Variants in PCDH15 observed in about 807,000 individuals in gnomAD.
PCDH15 encodes the protein protocadherin-15.
A neutral mutation model predicts 178.5 loss-of-function variants in PCDH15; 129 were observed. The ratio of observed to expected loss-of-function variants is 0.72; its 90% CI spans 0.63 to 0.84. The LOEUF (loss-of-function observed/expected upper bound fraction) is 0.84. Ranked by LOEUF, PCDH15 falls within the 40% of genes least tolerant of loss-of-function variation. The pLI is 0.00. For missense variants in PCDH15, 2,230 were observed against 2,099.9 expected (o/e 1.06, Z -1.21); for synonymous variants, 800 against 732.0 (o/e 1.09, Z -1.50).
intron 28 of PCDH15, among the ~76,000 whole-genome samples, chr10:53,855,906 A>ATATATATATG (rs1332745381): frequency 7.2e-6 from 1 of 138,038 alleles, no homozygotes; most frequent in African/African-American, 2.7e-5. Context: ...GGTGATATGT[A>ATATATATATG]TATATATATA....
intron 1 of PCDH15, among the ~76,000 whole-genome samples, chr10:55,257,509 A>T (rs1278612599): frequency 5.3e-5 from 8 of 152,024 alleles, no homozygotes; most frequent in Non-Finnish European, 1.5e-5. Flanking sequence ...TAGAATAACC[A>T]ATGCAGAGAA....
chr10:54,905,843 T>C (rs1954710322), intron 2 of PCDH15, among the ~76,000 whole-genome samples: 1 of 152,132 alleles, frequency 6.6e-6, no homozygotes, highest in Non-Finnish European at 1.5e-5. Context: ...CCTCTTAACA[T>C]TTCCTTTTCA....
chr10:54,820,016 A>G (rs1591719830), intron 3 of PCDH15, among the ~76,000 whole-genome samples: 1 of 170 alleles, frequency 5.9e-3, no homozygotes, highest in Middle Eastern at 0.5. Flanking sequence ...AGTTTCTGGA[A>G]AAAAAAAATC....
chr10:54,666,747 C>T (rs992336923), intron 1 of PCDH15, among the ~76,000 whole-genome samples: 10 of 151,882 alleles, frequency 6.6e-5, no homozygotes, highest in African/African-American at 9.6e-5. Flanking sequence ...ATTAAAGAGA[C>T]GGTAATATCT....
intron 3 of PCDH15, among the ~76,000 whole-genome samples, chr10:54,827,659 T>G (rs557397619): frequency 6.6e-6 from 1 of 152,216 alleles, no homozygotes; most frequent in Non-Finnish European, 1.5e-5. Context: ...AGAAAACAAC[T>G]GCATCTTATT....
intron 2 of PCDH15, among the ~76,000 whole-genome samples, chr10:55,129,291 C>G (rs886682751): frequency 6.6e-6 from 1 of 152,038 alleles, no homozygotes; most frequent in African/African-American, 2.4e-5. Flanking sequence ...CTAACAAACA[C>G]GAGAGGTGTA....
chr10:55,358,350 G>A (rs1176493071), intron 2 of PCDH15, among the ~76,000 whole-genome samples: 2 of 152,044 alleles, frequency 1.3e-5, no homozygotes, highest in African/African-American at 4.8e-5. Flanking sequence ...TTAATTATAT[G>A]TATAATTAAC....
chr10:55,516,599 CACAGCATCTGCA>C (rs1841018044), intron 2 of PCDH15, among the ~76,000 whole-genome samples: 1 of 152,096 alleles, frequency 6.6e-6, no homozygotes, highest in South Asian at 2.1e-4. Flanking sequence ...CTGCTAGCTT[CACAGCATCTGCA>C]AATCACACAG....
At chr10:55,512,205 G>T (rs1589097246) in intron 2 of PCDH15, among the ~76,000 whole-genome samples, 2 of 152,118 alleles carry the variant, frequency 1.3e-5, no homozygotes, top group East Asian at 1.9e-4. Flanking sequence ...ATAATGTCTT[G>T]CTATAAAAAG....
chr10:54,704,448 CTTAAA>C (rs1232601139), intron 1 of PCDH15, among the ~76,000 whole-genome samples: 1 of 150,434 alleles, frequency 6.6e-6, no homozygotes, highest in Admixed American at 6.6e-5. Flanking sequence ...TTCTAAGGAA[CTTAAA>C]TTAAGAAGCA....
intron 3 of PCDH15, among the ~76,000 whole-genome samples, chr10:54,853,953 G>A (rs1446542362): frequency 3.3e-5 from 5 of 152,176 alleles, no homozygotes; most frequent in South Asian, 2.1e-4. Context: ...CGCTGGGTTC[G>A]TTTTGCCCAC....
At chr10:54,575,262 G>T (rs2090340174) in intron 2 of PCDH15, 1 of 151,284 alleles carries the variant, frequency 6.6e-6, no homozygotes, top group Non-Finnish European at 1.5e-5. Context: ...TAACTAACCT[G>T]CACAATGTAC....
chr10:55,587,133 A>G (rs778582089), intron 2 of PCDH15, among the ~76,000 whole-genome samples: 6 of 152,262 alleles, frequency 3.9e-5, no homozygotes, highest in East Asian at 1.9e-4. Flanking sequence ...AACAGGGAAG[A>G]AACATACTAA....
chr10:54,216,131 A>T (rs2052034513), intron 9 of PCDH15, among the ~76,000 whole-genome samples: 1 of 151,158 alleles, frequency 6.6e-6, no homozygotes, highest in African/African-American at 2.4e-5. Context: ...TTTATAAATT[A>T]GCTAAAAATA....
At chr10:54,168,241 G>A (rs1446083227) in intron 13 of PCDH15, among the ~76,000 whole-genome samples, 1 of 152,106 alleles carries the variant, frequency 6.6e-6, no homozygotes, top group African/African-American at 2.4e-5. Flanking sequence ...TAGGCAAACG[G>A]TCTGAGGTGC....
intron 2 of PCDH15, among the ~76,000 whole-genome samples, chr10:55,561,094 T>C (rs1030741339): frequency 6.6e-6 from 1 of 151,826 alleles, no homozygotes; most frequent in East Asian, 1.9e-4. Context: ...ATAACTCAGG[T>C]GTTATCTAGG....
intron 8 of PCDH15, among the ~76,000 whole-genome samples, chr10:54,273,584 A>G (rs184277518): frequency 6.6e-6 from 1 of 152,166 alleles, no homozygotes; most frequent in Admixed American, 6.6e-5. Context: ...TATATAAAAT[A>G]GAGACACTTA....
chr10:54,381,392 A>G (rs1949219056), intron 3 of PCDH15, among the ~76,000 whole-genome samples: 1 of 152,116 alleles, frequency 6.6e-6, no homozygotes, highest in Non-Finnish European at 1.5e-5. Flanking sequence ...AATATTGGCA[A>G]GCAGCTAAAC....
intron 2 of PCDH15, among the ~76,000 whole-genome samples, chr10:54,653,514 T>C (rs1373131688): frequency 6.6e-6 from 1 of 152,326 alleles, no homozygotes; most frequent in East Asian, 1.9e-4. Flanking sequence ...GTAATGGCTG[T>C]TGAGGATATT....
Sources: allele counts gnomAD v4.1 joint callset (sites outside exome capture counted in the v4.1 genomes callset), GRCh38; gene constraint gnomAD v4.1.1; transcripts MANE v1.5; gene names NCBI Gene and HGNC (gene_info 2026-07-23, HGNC 2026-07-21).